Variants in AR observed in about 807,000 individuals in gnomAD.
AR encodes androgen receptor.
Under a neutral mutation model 53.9 loss-of-function variants are expected in AR, and 8 were observed. That is an observed-to-expected ratio of 0.15 (90% confidence interval 0.09 to 0.27). The LOEUF (loss-of-function observed/expected upper bound fraction) is 0.27. AR is among the 10% of genes least tolerant of loss of function. The probability of loss-of-function intolerance (pLI) is 1.00; values close to 1 mark genes in which losing one functional copy is unlikely to be tolerated. For missense variants in AR, 639 were observed against 742.5 expected (o/e 0.86, Z 1.62); for synonymous variants, 359 against 316.4 (o/e 1.13, Z -1.43).
chrX:67,630,842 C>CA, intron 1 of AR, among the ~76,000 whole-genome samples: 1 of 110,181 alleles, frequency 9.1e-6, no homozygotes, highest in Middle Eastern at 4.6e-3. Flanking sequence ...CTGGTGGTGA[C>CA]AAAATCTCTC....
chrX:67,572,581 A>G (rs1453381022), intron 1 of AR, among the ~76,000 whole-genome samples: 2 of 111,817 alleles, frequency 1.8e-5, no homozygotes, highest in African/African-American at 3.2e-5. Context: ...ATAATATTAG[A>G]TTTGAAAATT....
At chrX:67,684,104 T>A (rs1416844984) in intron 2 of AR, among the ~76,000 whole-genome samples, 1 of 111,624 alleles carries the variant, frequency 9.0e-6, no homozygotes, top group Admixed American at 9.5e-5. Flanking sequence ...TGTAACAAGC[T>A]GGTCTTGATG....
At chrX:67,628,620 C>G (rs1164070958) in intron 1 of AR, among the ~76,000 whole-genome samples, 1 of 109,187 alleles carries the variant, frequency 9.2e-6, no homozygotes. Context: ...TAATTGAATA[C>G]CCTTTATTTC....
At chrX:67,628,783 T>C (rs1307346473) in intron 1 of AR, among the ~76,000 whole-genome samples, 1 of 111,785 alleles carries the variant, frequency 8.9e-6, no homozygotes, top group Non-Finnish European at 1.9e-5. Context: ...TTGTCATAGA[T>C]AGCTCTTATT....
At chrX:67,693,517 T>C (rs1442067366) in intron 3 of AR, among the ~76,000 whole-genome samples, 1 of 112,536 alleles carries the variant, frequency 8.9e-6, no homozygotes, top group Non-Finnish European at 1.9e-5. Context: ...GATGTGTTCC[T>C]TAAGATCACA....
intron 2 of AR, among the ~76,000 whole-genome samples, chrX:67,652,353 C>T (rs944045735): frequency 3.6e-5 from 4 of 111,619 alleles, no homozygotes; most frequent in African/African-American, 1.3e-4. Flanking sequence ...GTCACAAGCT[C>T]ATTTACTTAC....
intron 2 of AR, among the ~76,000 whole-genome samples, chrX:67,677,510 C>A (rs1231829132): frequency 8.9e-6 from 1 of 111,922 alleles, no homozygotes; most frequent in Non-Finnish European, 1.9e-5. Flanking sequence ...TGCTGAATAT[C>A]TTTACATGGT....
intron 1 of AR, among the ~76,000 whole-genome samples, chrX:67,556,855 A>T (rs771528654): frequency 9.9e-6 from 1 of 101,306 alleles, no homozygotes; most frequent in African/African-American, 4.8e-5. Flanking sequence ...AAAGGGCCTG[A>T]GGCAGGAGCA....
At chrX:67,575,449 G>A (rs760888612) in intron 1 of AR, among the ~76,000 whole-genome samples, 1 of 111,626 alleles carries the variant, frequency 9.0e-6, no homozygotes, top group East Asian at 2.8e-4. Flanking sequence ...GTGACTTTAG[G>A]ATCTGTATGG....
intron 1 of AR, among the ~76,000 whole-genome samples, chrX:67,619,474 A>C (rs190995621): frequency 9.0e-6 from 1 of 110,602 alleles, no homozygotes; most frequent in African/African-American, 3.3e-5. Context: ...AGGATGACTC[A>C]TGGTTTTCTA....
chrX:67,689,520 C>T lies in AR; in HGVS notation c.1885+3394C>T, dbSNP rs937730440. On this transcript the variant is annotated intron_variant, in intron 3 of 7. Transcript: ENST00000374690. The stretch of plus-strand genomic sequence containing the variant: ...GATATAGCTTTTTCTTTCCTGCTTC[C>T]AGGCCTACCTACCTGTTTCTTGCTT... 3.3e-6 allele frequency: 3 copies of T among 916,426 alleles called. No homozygotes were observed. The African/African-American group carries it at 6.3e-5, about 19-fold the overall frequency. 75.5% of individuals were successfully genotyped at this position (916,426 alleles called of 1,213,427 possible). A position where few individuals can be genotyped will look rare whatever the true frequency, so the allele number is the denominator to read the frequency against.
intron 1 of AR, among the ~76,000 whole-genome samples, chrX:67,632,786 A>G (rs982097480): frequency 2.7e-5 from 3 of 112,551 alleles, no homozygotes; most frequent in Non-Finnish European, 5.6e-5. Context: ...CATATATCTG[A>G]TAAGGGTATT....
intron 3 of AR, chrX:67,695,500 G>A (rs2076015457): frequency 5.3e-6 from 4 of 751,825 alleles, no homozygotes; most frequent in Non-Finnish European, 6.3e-6. Flanking sequence ...TTCATCAGTT[G>A]TAAGCCTCTC....
intron 2 of AR, among the ~76,000 whole-genome samples, chrX:67,655,301 C>G (rs935181913): frequency 9.0e-6 from 1 of 110,823 alleles, no homozygotes; most frequent in East Asian, 2.9e-4. Flanking sequence ...GTTGGTTCTT[C>G]ATTTGTGTTG....
At chrX:67,696,370 T>C (rs1483829661) in intron 3 of AR, among the ~76,000 whole-genome samples, 1 of 111,643 alleles carries the variant, frequency 9.0e-6, no homozygotes, top group Non-Finnish European at 1.9e-5. Flanking sequence ...CTTTTGTCCC[T>C]CACTCAGGGT....
intron 3 of AR, among the ~76,000 whole-genome samples, chrX:67,703,241 A>G (rs777173704): frequency 8.9e-6 from 1 of 111,824 alleles, no homozygotes; most frequent in Non-Finnish European, 1.9e-5. Context: ...ATTATGTTAA[A>G]GGGATTAAAG....
chrX:67,560,819 A>C (rs964598905), intron 1 of AR, among the ~76,000 whole-genome samples: 2 of 111,427 alleles, frequency 1.8e-5, no homozygotes, highest in African/African-American at 3.3e-5. Context: ...CCATTCTTCT[A>C]TGACAGCCCC....
chrX:67,627,412 G>C lies in AR; in HGVS notation c.1617-15844G>C, dbSNP rs2147405954. Among the ~76,000 whole-genome samples the C allele has an allele frequency of 1.8e-5, 2 of 112,069 alleles. 1 individual carries two copies. The highest frequency in any genetic ancestry group is 1.9e-4 in the Admixed American group (2 of 10,604). On this transcript the variant is annotated intron_variant, in intron 1 of 7. Transcript: ENST00000374690. ...GTGAGCATTTTTTCATGTGTTTTTT[G>C]GGTGCATAAATGTCTTCTTTTTAGA...
At position 67,545,930 on chromosome X, in the gene AR, C is replaced by G. The variant is rs2147318392; in HGVS notation, c.784C>G (p.Gln262Glu). Residue 262 changes from glutamine (Q) to glutamate (E), a missense_variant, in exon 1 of 8, where the codon CAG becomes GAG. Around this residue, in one of 5 missense-constraint regions of AR, gnomAD observed 423 missense variants for 377.0 expected, o/e 1.12. Coordinates refer to ENST00000374690, the MANE Select transcript of AR (RefSeq NM_000044.6). ...GTTGGAGCATCTGAGTCCAGGGGAA[C>G]AGCTTCGGGGGGATTGCATGTACGC... ...EALEHLSPGEQLRGDCMYAPL... is the reference protein window; with the variant it reads ...EALEHLSPGEELRGDCMYAPL... 8.3e-7 allele frequency: 1 copy of G among 1,212,091 alleles called. No individual in the cohort carries two copies.
Sources: gnomAD v4.1 joint callset for allele counts (sites outside exome capture counted in the v4.1 genomes callset) on GRCh38, gnomAD v4.1.1 for gene constraint, gnomAD v4.1.1 regional missense constraint, MANE v1.5 for transcripts, NCBI Gene and HGNC (gene_info 2026-07-23, HGNC 2026-07-21) for gene names.